Variants in GALNT17 observed in about 807,000 individuals in gnomAD.
GALNT17 encodes the protein polypeptide N-acetylgalactosaminyltransferase 17, also known as UDP-GalNAc:polypeptide N-acetylgalactosaminyltransferase-like 3.
A neutral mutation model predicts 63.7 loss-of-function variants in GALNT17; 29 were observed. That is an observed-to-expected ratio of 0.46 (90% CI 0.34 to 0.62). The LOEUF (loss-of-function observed/expected upper bound fraction) is 0.62, where lower values mean the gene tolerates loss of function less well. Among genes scored for constraint, GALNT17 ranks in the 20% least tolerant of loss-of-function variants. The probability of loss-of-function intolerance (pLI) is 0.01; values close to 1 mark genes in which losing one functional copy is unlikely to be tolerated. For synonymous variants in GALNT17, 305 were observed against 318.3 expected (o/e 0.96, Z 0.45); for missense variants, 603 against 799.6 (o/e 0.75, Z 2.97).
intron 2 of GALNT17, among the ~76,000 whole-genome samples, chr7:71,379,622 T>C (rs1274921246): frequency 6.6e-6 from 1 of 152,088 alleles, no homozygotes; most frequent in Non-Finnish European, 1.5e-5. Flanking sequence ...TGGTGACCGA[T>C]AGGCATGTTG....
chr7:71,641,932 G>A (rs1562719975), intron 6 of GALNT17, among the ~76,000 whole-genome samples: 1 of 152,128 alleles, frequency 6.6e-6, no homozygotes, highest in East Asian at 1.9e-4. Context: ...AGGGAACTGT[G>A]GTTATGGAAT....
chr7:71,308,429 C>T (rs926072571), intron 1 of GALNT17, among the ~76,000 whole-genome samples: 1 of 152,112 alleles, frequency 6.6e-6, no homozygotes, highest in Non-Finnish European at 1.5e-5. Context: ...CACAGGATCA[C>T]TATGTGTTTC....
chr7:71,148,925 G>A (rs1298677682), intron 1 of GALNT17, among the ~76,000 whole-genome samples: 1 of 136,218 alleles, frequency 7.3e-6, no homozygotes, highest in African/African-American at 2.8e-5. Context: ...ACAACTATTT[G>A]ATTTTGTTGT....
chr7:71,335,766 A>T (rs755115093), intron 2 of GALNT17, 33 bp downstream of exon 2: 2 of 1,555,650 alleles, frequency 1.3e-6, no homozygotes, highest in Non-Finnish European at 1.7e-6. Flanking sequence ...GCGGAGCTTG[A>T]TGGGTCGTCA....
intron 1 of GALNT17, among the ~76,000 whole-genome samples, chr7:71,194,072 G>T (rs563449109): frequency 1.3e-5 from 2 of 152,190 alleles, no homozygotes; most frequent in African/African-American, 4.8e-5. Flanking sequence ...TTGAGACAGG[G>T]TCTTGTTCTG....
Position 71,133,085 on chromosome 7 carries a change from C to G in GALNT17, c.238+45C>G, listed in dbSNP as rs6976062. On this transcript the variant is annotated intron_variant, in intron 1 of 10. Transcript: ENST00000333538. The stretch of plus-strand genomic sequence containing the variant: ...CCTCCGGGGCTCGACGCGGGCGGGC[C>G]GGGCACAGGGTGAGCCCCAGGGTCC... 9.9e-3 allele frequency: 14,454 copies of G among 1,463,882 alleles called. 943 individuals carry two copies. In the African/African-American group the frequency reaches 0.15, roughly 16 times the overall value. The allele number at this position is 1,463,882 out of a possible 1,614,324, so 90.7% of individuals were successfully genotyped here. A position where few individuals can be genotyped will look rare whatever the true frequency, so the allele number is the denominator to read the frequency against.
At chr7:71,520,162 T>A (rs1788507133) in intron 5 of GALNT17, among the ~76,000 whole-genome samples, 1 of 152,096 alleles carries the variant, frequency 6.6e-6, no homozygotes, top group Admixed American at 6.5e-5. Flanking sequence ...TGGCGTCTCA[T>A]GGGGGCCTAG....
chr7:71,479,570 T>C (rs1224397756), intron 5 of GALNT17, among the ~76,000 whole-genome samples: 1 of 152,150 alleles, frequency 6.6e-6, no homozygotes. Flanking sequence ...TCTAATTCAG[T>C]CTTAGAGAAT....
intron 3 of GALNT17, among the ~76,000 whole-genome samples, chr7:71,395,034 G>A (rs925717191): frequency 7.2e-5 from 11 of 152,002 alleles, no homozygotes; most frequent in African/African-American, 1.7e-4. Context: ...CCTGGGAGGC[G>A]GAAGTTGCAT....
intron 1 of GALNT17, among the ~76,000 whole-genome samples, chr7:71,174,340 G>T (rs1323494477): frequency 6.6e-6 from 1 of 152,206 alleles, no homozygotes; most frequent in African/African-American, 2.4e-5. Context: ...TGGCACTGGG[G>T]TGTGAGATGT....
At chr7:71,184,555 C>T (rs763676524) in intron 1 of GALNT17, among the ~76,000 whole-genome samples, 1 of 152,166 alleles carries the variant, frequency 6.6e-6, no homozygotes, top group Middle Eastern at 3.2e-3. Flanking sequence ...AAGATAGGCT[C>T]TGTTGAGTTA....
chr7:71,417,978 C>T (rs779594002), intron 4 of GALNT17, among the ~76,000 whole-genome samples: 7 of 152,318 alleles, frequency 4.6e-5, no homozygotes, highest in African/African-American at 9.6e-5. Flanking sequence ...TAAACCAATG[C>T]GGTCACTGCT....
intron 1 of GALNT17, among the ~76,000 whole-genome samples, chr7:71,259,881 TC>T (rs1430093040): frequency 6.6e-6 from 1 of 151,922 alleles, no homozygotes; most frequent in Non-Finnish European, 1.5e-5. Flanking sequence ...GACCTCGTGA[TC>T]CACCCGCCTC....
In GALNT17 at chr7:71,148,021, G is replaced by A. The variant is rs529491031; in HGVS notation, c.238+14981G>A. Among the ~76,000 whole-genome samples, 30 of 152,204 alleles carry A rather than the reference G, an allele frequency of 2.0e-4. No homozygotes were observed. In the South Asian group the frequency reaches 6.2e-3, roughly 32 times the overall value. The stretch of plus-strand genomic sequence containing the variant: ...AATGTCCTTTCTTCTCACCTCTTAT[G>A]GTACTTTCAGTGGATCTTCTTTTAG... On this transcript the variant is annotated intron_variant, in intron 1 of 10. Coordinates refer to ENST00000333538, the MANE Select transcript of GALNT17 (RefSeq NM_022479.3).
intron 2 of GALNT17, among the ~76,000 whole-genome samples, chr7:71,353,279 G>C (rs536010455): frequency 2.6e-5 from 4 of 151,564 alleles, no homozygotes; most frequent in Non-Finnish European, 5.9e-5. Context: ...ATTTTTTTCT[G>C]AATCATTTGA....
intron 1 of GALNT17, among the ~76,000 whole-genome samples, chr7:71,182,500 G>T (rs569543888): frequency 6.6e-6 from 1 of 152,070 alleles, no homozygotes; most frequent in Non-Finnish European, 1.5e-5. Context: ...TCCTAGTCTT[G>T]TCTACTGGAG....
At chr7:71,694,148 A>G (rs1791504808) in intron 9 of GALNT17, among the ~76,000 whole-genome samples, 1 of 152,032 alleles carries the variant, frequency 6.6e-6, no homozygotes. Context: ...ACTCCCCTTT[A>G]TAAAACCATC....
chr7:71,530,311 G>A (rs999407368), intron 5 of GALNT17, among the ~76,000 whole-genome samples: 7 of 152,084 alleles, frequency 4.6e-5, no homozygotes, highest in Middle Eastern at 3.4e-3. Context: ...CATAGTATTC[G>A]TGTATGTCTG....
rs568394239 is a variant in GALNT17 at position 71,530,100 on chromosome 7, C to T, written c.963-41185C>T. ...CCATTTTAACCAAGGCAGTGTCTGG[C>T]TACTCATCCTTTTTTCCACTTACCT... On this transcript the variant is annotated intron_variant, in intron 5 of 10. Transcript: ENST00000333538. Among the ~76,000 whole-genome samples the T allele has an allele frequency of 6.6e-4, 101 of 152,310 alleles. 1 individual carries two copies. The South Asian group carries it at 0.021, about 32-fold the overall frequency.
Sources: allele counts gnomAD v4.1 joint callset (sites outside exome capture counted in the v4.1 genomes callset), GRCh38; gene constraint gnomAD v4.1.1; transcripts MANE v1.5; gene names NCBI Gene and HGNC (gene_info 2026-07-23, HGNC 2026-07-21).